ZNF423: variants seen among roughly 807,000 people sequenced by gnomAD.
The protein encoded by ZNF423 is Ebf-associated zinc finger protein.
In ZNF423, 12 loss-of-function variants were observed where a neutral mutation model predicts 95.8. The ratio of observed to expected loss-of-function variants is 0.13; its 90% CI spans 0.08 to 0.20. The LOEUF (loss-of-function observed/expected upper bound fraction) is 0.20, where lower values mean the gene tolerates loss of function less well. Among genes scored for constraint, ZNF423 ranks in the 10% least tolerant of loss-of-function variants. ZNF423 has a pLI of 1.00. For synonymous variants in ZNF423, 749 were observed against 711.9 expected (o/e 1.05, Z -0.83); for missense variants, 1,316 against 1,737.1 (o/e 0.76, Z 4.31).
At chr16:49,623,782 T>C (rs1972164616) in intron 5 of ZNF423, among the ~76,000 whole-genome samples, 2 of 152,060 alleles carry the variant, frequency 1.3e-5, no homozygotes, top group South Asian at 4.2e-4. Flanking sequence ...CACACACGAT[T>C]GGGAGTCAGT....
intron 5 of ZNF423, among the ~76,000 whole-genome samples, chr16:49,601,873 G>A (rs1194612459): frequency 1.3e-5 from 2 of 152,200 alleles, no homozygotes; most frequent in Non-Finnish European, 2.9e-5. Context: ...TCAGGCAGGG[G>A]CTTGTTCCTC....
In ZNF423 at chr16:49,683,646, G is replaced by A. The variant is rs536952439; in HGVS notation, c.302-44772C>T. 2.0e-5 allele frequency among the ~76,000 whole-genome samples: 3 copies of A among 152,340 alleles called. No homozygotes were observed. The South Asian group carries it at 6.2e-4, about 32-fold the overall frequency. On this transcript the variant is annotated intron_variant, in intron 3 of 7. Coordinates refer to ENST00000563137, the MANE Select transcript of ZNF423 (RefSeq NM_001379286.1). ...GTCCAAAAAGAAACCGGGAGGAAGA[G>A]GGGCCCCCTGGGTGATTCCAATATG...
chr16:49,528,412 A>G (rs1968702409), intron 5 of ZNF423, among the ~76,000 whole-genome samples: 1 of 152,180 alleles, frequency 6.6e-6, no homozygotes, highest in African/African-American at 2.4e-5. Flanking sequence ...AGCAGATCAC[A>G]GCCCCAAACC....
At chr16:49,711,343 C>T (rs576600056) in intron 3 of ZNF423, 7 of 152,330 alleles carry the variant, frequency 4.6e-5, no homozygotes, top group Admixed American at 3.3e-4. Flanking sequence ...GGGGCATCCA[C>T]ACTACGCAAG....
At chr16:49,707,895 C>G (rs548815200) in intron 3 of ZNF423, 2 of 152,458 alleles carry the variant, frequency 1.3e-5, no homozygotes, top group African/African-American at 4.8e-5. Flanking sequence ...TCACCGCAAC[C>G]TCCACCTCCC....
At chr16:49,799,916 C>T (rs953471452) in intron 1 of ZNF423, among the ~76,000 whole-genome samples, 6 of 152,114 alleles carry the variant, frequency 3.9e-5, no homozygotes, top group Non-Finnish European at 7.4e-5. Flanking sequence ...CAGCCTCCTG[C>T]GTAGCTAGGA....
At chr16:49,739,871 T>C (rs997964953) in intron 2 of ZNF423, among the ~76,000 whole-genome samples, 7 of 151,364 alleles carry the variant, frequency 4.6e-5, no homozygotes, top group South Asian at 4.2e-4. Flanking sequence ...TAATTTTTTT[T>C]CCCCCAAGAC....
chr16:49,602,513 G>C (rs565686253), intron 5 of ZNF423, among the ~76,000 whole-genome samples: 1 of 152,162 alleles, frequency 6.6e-6, no homozygotes, highest in East Asian at 1.9e-4. Flanking sequence ...GTTTCGGGTG[G>C]GGGGCAGTTT....
chr16:49,755,396 T>TG (rs1384036810), intron 2 of ZNF423, among the ~76,000 whole-genome samples: 1 of 152,158 alleles, frequency 6.6e-6, no homozygotes, highest in African/African-American at 2.4e-5. Context: ...CCACCTTAAT[T>TG]GGGAACTCTT....
Position 49,636,352 on chromosome 16 carries a change from C to T in ZNF423, c.2824G>A (p.Val942Ile), listed in dbSNP as rs992390167. 24 of 1,612,770 alleles carry T rather than the reference C, an allele frequency of 1.5e-5. No individual in the cohort carries two copies. The highest frequency in any genetic ancestry group is 5.5e-5 in the South Asian group (5 of 91,080). The change falls in exon 4 of 8, where the codon GTT (valine) becomes ATT (isoleucine). Residue 942 changes from valine (V) to isoleucine (I), a missense_variant. Around this residue, in one of 6 missense-constraint regions of ZNF423, gnomAD observed 620 missense variants for 775.6 expected, o/e 0.80. Transcript: ENST00000563137. The surrounding 1 kb of genome is among the most constrained non-coding windows in gnomAD (Gnocchi z 8.6). ...EFIKGSHKCN[V>I]CSRTFFSENG... is the part of the protein sequence containing the mutation. ...TCCGAGAAGAAAGTCCGTGAACAAA[C>T]GTTGCACTTGTGACTGCCCTTGATA... is the stretch of plus-strand genomic sequence containing the variant.
intron 3 of ZNF423, among the ~76,000 whole-genome samples, chr16:49,651,398 G>A (rs371000714): frequency 3.5e-4 from 54 of 152,258 alleles, no homozygotes; most frequent in African/African-American, 1.2e-3. Flanking sequence ...GGAAGATGGA[G>A]CTCAGCTGGG....
chr16:49,762,068 T>C (rs2033842496), intron 2 of ZNF423, among the ~76,000 whole-genome samples: 2 of 152,098 alleles, frequency 1.3e-5, no homozygotes, highest in African/African-American at 4.8e-5. Flanking sequence ...CACCTCAGCA[T>C]CCCAAAGTGC....
At position 49,531,942 on chromosome 16, in the gene ZNF423, G is replaced by A. The variant is rs142053116; in HGVS notation, c.3602-6448C>T. On this transcript the variant is annotated intron_variant, in intron 5 of 7. Transcript: ENST00000563137. ...GCTGCAGCATTTTAAAGGTGCCCCC[G>A]TGTTTGGGGCGTCCATTAACGCTTG... is the stretch of plus-strand genomic sequence containing the variant. Among the ~76,000 whole-genome samples, 248 of 152,276 alleles carry A rather than the reference G, an allele frequency of 1.6e-3. 2 individuals carry two copies. The highest frequency in any genetic ancestry group is 5.7e-3 in the African/African-American group (238 of 41,566).
chr16:49,503,338 G>T (rs1266189450), intron 7 of ZNF423, among the ~76,000 whole-genome samples: 3 of 152,130 alleles, frequency 2.0e-5, no homozygotes, highest in Non-Finnish European at 4.4e-5. Context: ...AAGGGTTTCT[G>T]CTTTTTAAAC....
At chr16:49,671,632 C>T (rs1422822157) in intron 3 of ZNF423, among the ~76,000 whole-genome samples, 3 of 152,220 alleles carry the variant, frequency 2.0e-5, no homozygotes, top group Non-Finnish European at 4.4e-5. Flanking sequence ...CACCTAATGT[C>T]TGCTGAGCAA....
intron 1 of ZNF423, among the ~76,000 whole-genome samples, chr16:49,820,057 G>C (rs149687276): frequency 5.9e-5 from 9 of 152,080 alleles, no homozygotes; most frequent in African/African-American, 2.2e-4. Context: ...TGGATGGATG[G>C]ATGGATGGAT....
At chr16:49,614,771 G>A (rs868649642) in intron 5 of ZNF423, among the ~76,000 whole-genome samples, 1 of 152,190 alleles carries the variant, frequency 6.6e-6, no homozygotes, top group African/African-American at 2.4e-5. Flanking sequence ...CTCAAAATAA[G>A]AACTTTATTG....
chr16:49,730,653 G>C (rs1044868074), intron 3 of ZNF423, 118 bp downstream of exon 3: 9 of 1,096,404 alleles, frequency 8.2e-6, no homozygotes, highest in Non-Finnish European at 1.2e-5. Context: ...ACAATAAAAT[G>C]ACATTAACTG....
intron 5 of ZNF423, among the ~76,000 whole-genome samples, chr16:49,589,067 G>A (rs913622253): frequency 6.6e-6 from 1 of 152,146 alleles, no homozygotes; most frequent in Non-Finnish European, 1.5e-5. Flanking sequence ...ACAACTGAAG[G>A]GGCCACAGAA....
Sources: gnomAD v4.1 joint callset for allele counts (sites outside exome capture counted in the v4.1 genomes callset) on GRCh38, gnomAD v4.1.1 for gene constraint, gnomAD v4.1.1 regional missense constraint, Gnocchi (gnomAD v3.1) non-coding constraint, MANE v1.5 for transcripts, NCBI Gene and HGNC (gene_info 2026-07-23, HGNC 2026-07-21) for gene names.